BBS9: variants seen among roughly 807,000 people sequenced by gnomAD.
BBS9 encodes Bardet-Biedl syndrome 9, also known as protein PTHB1.
A neutral mutation model predicts 117.7 loss-of-function variants in BBS9; 89 were observed. The observed-to-expected ratio is 0.76, with a 90% CI of 0.64 to 0.90. BBS9 has a LOEUF of 0.90. BBS9 is among the 40% of genes least tolerant of loss of function. BBS9 has a pLI of 0.00. For synonymous variants in BBS9, 379 were observed against 370.9 expected (o/e 1.02, Z -0.25); for missense variants, 982 against 1,042.2 (o/e 0.94, Z 0.80).
At chr7:33,272,935 T>A in intron 7 of BBS9, 77 bp from the exon 8 acceptor site, 2 of 1,402,998 alleles carry the variant, frequency 1.4e-6, no homozygotes, top group Non-Finnish European at 2.0e-6. Flanking sequence ...AAGCAATTTC[T>A]TAATTTATAT....
chr7:33,231,541 T>C (rs966110579), intron 5 of BBS9, among the ~76,000 whole-genome samples: 1 of 151,702 alleles, frequency 6.6e-6, no homozygotes, highest in African/African-American at 2.4e-5. Context: ...TCTCAGAATT[T>C]TTTTTAGCTA....
At chr7:33,410,359 G>C (rs1830891957) in intron 19 of BBS9, among the ~76,000 whole-genome samples, 2 of 152,070 alleles carry the variant, frequency 1.3e-5, no homozygotes, top group African/African-American at 4.8e-5. Flanking sequence ...TCAGAACACT[G>C]TCTCTTTTCC....
chr7:33,129,346 G>T (rs920909345), upstream of BBS9: 1 of 522,270 alleles, frequency 1.9e-6, no homozygotes, highest in South Asian at 2.7e-5. Flanking sequence ...AGGAACTGCT[G>T]CCAGGACAGG....
intron 4 of BBS9, among the ~76,000 whole-genome samples, chr7:33,169,495 T>G (rs932922917): frequency 6.6e-5 from 10 of 150,970 alleles, no homozygotes; most frequent in Non-Finnish European, 1.3e-4. Context: ...TTTTTAATGA[T>G]TGCCATTCTA....
intron 9 of BBS9, 142 bp from the exon 10 acceptor site, chr7:33,336,299 T>A: frequency 1.5e-6 from 1 of 650,244 alleles, no homozygotes; most frequent in Non-Finnish European, 2.7e-6. Context: ...TTGAATTGAG[T>A]CTTTGAAGTA....
intron 11 of BBS9, among the ~76,000 whole-genome samples, chr7:33,342,956 A>G (rs188859024): frequency 2.0e-5 from 3 of 152,336 alleles, no homozygotes; most frequent in African/African-American, 4.8e-5. Flanking sequence ...AAAAAGTAAT[A>G]TAATTTATAT....
intron 21 of BBS9, among the ~76,000 whole-genome samples, chr7:33,548,769 A>G (rs1356033609): frequency 2.0e-5 from 3 of 151,204 alleles, no homozygotes; most frequent in Admixed American, 2.0e-4. Context: ...GCTCAAGGGA[A>G]TAAAAGAGGA....
Position 33,453,238 on chromosome 7 carries a change from A to G in BBS9, c.2116-52225A>G, listed in dbSNP as rs542120845. Among the ~76,000 whole-genome samples the G allele has an allele frequency of 3.6e-3, 544 of 152,154 alleles. 7 individuals carry two copies. Among genetic ancestry groups the G allele is most frequent in the African/African-American group, 0.012 (510 of 41,502 alleles). Reference sequence around the variant, plus strand: ...GGAGGATTCAGATTTTTTTAACCCCACTCAGCAAAGCAGCTGAGTTAAAGG... The same window carrying G: ...GGAGGATTCAGATTTTTTTAACCCCGCTCAGCAAAGCAGCTGAGTTAAAGG... On this transcript the variant is annotated intron_variant, in intron 19 of 22. Transcript: ENST00000242067.
chr7:33,299,471 T>C (rs998518940), intron 9 of BBS9, among the ~76,000 whole-genome samples: 2 of 151,428 alleles, frequency 1.3e-5, no homozygotes, highest in Non-Finnish European at 2.9e-5. Flanking sequence ...CCACTGTTTT[T>C]CCAGTAATGT....
At chr7:33,152,073 A>G (rs1258830204) in intron 2 of BBS9, among the ~76,000 whole-genome samples, 2 of 152,084 alleles carry the variant, frequency 1.3e-5, no homozygotes, top group African/African-American at 4.8e-5. Flanking sequence ...AAGGACACTA[A>G]TTGAGTTTGA....
intron 19 of BBS9, among the ~76,000 whole-genome samples, chr7:33,452,728 A>T (rs1285869907): frequency 6.6e-6 from 1 of 152,220 alleles, no homozygotes. Context: ...GAGGGTAAAA[A>T]GGTTATTATG....
At chr7:33,184,520 G>A (rs1471183348) in intron 5 of BBS9, among the ~76,000 whole-genome samples, 1 of 152,076 alleles carries the variant, frequency 6.6e-6, no homozygotes, top group Non-Finnish European at 1.5e-5. Context: ...GTTGGGTCTC[G>A]AACCCAAATT....
intron 19 of BBS9, among the ~76,000 whole-genome samples, chr7:33,465,147 G>T (rs1563211347): frequency 6.6e-6 from 1 of 151,586 alleles, no homozygotes; most frequent in Non-Finnish European, 1.5e-5. Context: ...CAGTTGTTTT[G>T]CAGCATGTAG....
At chr7:33,291,437 A>G (rs2128400545) in intron 9 of BBS9, among the ~76,000 whole-genome samples, 1 of 152,176 alleles carries the variant, frequency 6.6e-6, no homozygotes, top group Non-Finnish European at 1.5e-5. Context: ...TCCTTATGTT[A>G]TTTCTCCCAA....
chr7:33,256,407 AATCT>A lies in BBS9; in HGVS notation c.443-826_443-823del, dbSNP rs578019671. Among the ~76,000 whole-genome samples, 647 of 152,296 alleles carry A rather than the reference AATCT, an allele frequency of 4.2e-3. 7 individuals are homozygous for A. Among genetic ancestry groups the A allele is most frequent in the Non-Finnish European group, 7.7e-3 (521 of 68,018 alleles). On this transcript the variant is annotated intron_variant, in intron 5 of 22. Coordinates refer to ENST00000242067, the MANE Select transcript of BBS9 (RefSeq NM_198428.3). Reference sequence around the variant, plus strand: ...TCTTTCAGGCTATTTAAGGTTGATAAATCTATTGTATCAGTTGAGGTGGGTTAGA... The same window carrying A: ...TCTTTCAGGCTATTTAAGGTTGATAAATTGTATCAGTTGAGGTGGGTTAGA...
chr7:33,181,012 A>G (rs913997625), intron 5 of BBS9, among the ~76,000 whole-genome samples: 3 of 152,200 alleles, frequency 2.0e-5, no homozygotes, highest in African/African-American at 7.2e-5. Context: ...AATGATCACA[A>G]GCACTCCTAC....
intron 20 of BBS9, among the ~76,000 whole-genome samples, chr7:33,509,981 A>G (rs777277102): frequency 1.3e-5 from 2 of 152,108 alleles, no homozygotes; most frequent in African/African-American, 2.4e-5. Context: ...AAATGCTGGT[A>G]TATGTAAATT....
intron 21 of BBS9, among the ~76,000 whole-genome samples, chr7:33,550,286 TG>T (rs1167626367): frequency 6.6e-6 from 1 of 152,220 alleles, no homozygotes; most frequent in African/African-American, 2.4e-5. Flanking sequence ...TTATTTTTTT[TG>T]TATTTTCCTT....
chr7:33,142,034 C>T (rs1791551764), intron 1 of BBS9, among the ~76,000 whole-genome samples: 1 of 151,974 alleles, frequency 6.6e-6, no homozygotes, highest in African/African-American at 2.4e-5. Context: ...CTCCCGGGTT[C>T]ATGCCATTCT....
Sources: gnomAD v4.1 joint callset for allele counts (sites outside exome capture counted in the v4.1 genomes callset) on GRCh38, gnomAD v4.1.1 for gene constraint, MANE v1.5 for transcripts, NCBI Gene and HGNC (gene_info 2026-07-23, HGNC 2026-07-21) for gene names.